Variants in PSTPIP2 observed in about 807,000 individuals in gnomAD.
PSTPIP2 encodes the protein proline-serine-threonine phosphatase interacting protein 2.
In PSTPIP2, 33 loss-of-function variants were observed where a neutral mutation model predicts 63.3. The ratio of observed to expected loss-of-function variants is 0.52; its 90% confidence interval spans 0.40 to 0.70. The LOEUF is 0.70. PSTPIP2 is among the 30% of genes least tolerant of loss of function. The probability of loss-of-function intolerance (pLI) is 0.00; values close to 1 mark genes in which losing one functional copy is unlikely to be tolerated. For missense variants in PSTPIP2, 312 were observed against 400.7 expected, an observed-to-expected ratio of 0.78 and a Z score of 1.89; for synonymous variants, 125 against 132.7, an observed-to-expected ratio of 0.94 and a Z score of 0.40.
intron 3 of PSTPIP2, among the ~76,000 whole-genome samples, chr18:46,017,265 C>T (rs2051862075): frequency 6.6e-6 from 1 of 152,124 alleles, no homozygotes; most frequent in African/African-American, 2.4e-5. Context: ...AAAAAATCAG[C>T]TGTTGCTCTA....
intron 8 of PSTPIP2, among the ~76,000 whole-genome samples, chr18:45,998,228 T>C (rs1200529681): frequency 3.3e-5 from 5 of 152,138 alleles, no homozygotes; most frequent in African/African-American, 1.2e-4. Context: ...CCAAGTTACT[T>C]TAGTTTCAAA....
At chr18:46,038,174 C>T (rs976888277) in intron 2 of PSTPIP2, among the ~76,000 whole-genome samples, 2 of 152,240 alleles carry the variant, frequency 1.3e-5, no homozygotes, top group African/African-American at 4.8e-5. Flanking sequence ...ATCCCCCGAC[C>T]TCAGCCTCCT....
chr18:45,990,406 G>A (rs1001943639), intron 13 of PSTPIP2, among the ~76,000 whole-genome samples: 5 of 151,410 alleles, frequency 3.3e-5, no homozygotes, highest in African/African-American at 9.8e-5. Flanking sequence ...TAAGAATTTC[G>A]TGGGTTTTTT....
At chr18:45,988,856 G>T in intron 13 of PSTPIP2, 97 bp from the exon 14 acceptor site, 1 of 1,002,458 alleles carries the variant, frequency 1.0e-6, no homozygotes, top group Non-Finnish European at 1.6e-6. Flanking sequence ...ACAGATTCTG[G>T]TGTCTATCCT....
chr18:46,044,465 G>C (rs944316227), intron 1 of PSTPIP2, among the ~76,000 whole-genome samples: 69 of 152,180 alleles, frequency 4.5e-4, no homozygotes, highest in Middle Eastern at 3.4e-3. Flanking sequence ...ATGTAGAAAG[G>C]TGAAACTGGA....
At chr18:46,014,701 C>A (rs997249111) in intron 4 of PSTPIP2, among the ~76,000 whole-genome samples, 4 of 152,000 alleles carry the variant, frequency 2.6e-5, no homozygotes, top group African/African-American at 9.7e-5. Flanking sequence ...CAGAGTGATG[C>A]CCTGACTTTA....
chr18:46,052,076 G>A (rs557179315), intron 1 of PSTPIP2, among the ~76,000 whole-genome samples: 4 of 152,340 alleles, frequency 2.6e-5, no homozygotes, highest in African/African-American at 9.6e-5. Context: ...AACTAGGTCC[G>A]CAAATATGGG....
chr18:46,016,767 C>T (rs1175437146), intron 3 of PSTPIP2, among the ~76,000 whole-genome samples: 3 of 152,190 alleles, frequency 2.0e-5, no homozygotes, highest in Non-Finnish European at 4.4e-5. Flanking sequence ...GCTGCATTCT[C>T]ATCTGGTGGC....
intron 1 of PSTPIP2, among the ~76,000 whole-genome samples, chr18:46,057,209 G>A (rs932481890): frequency 1.3e-5 from 2 of 152,194 alleles, no homozygotes; most frequent in African/African-American, 4.8e-5. Context: ...ACTCAGCAGA[G>A]ACCCCTCCCT....
At chr18:46,044,487 C>T (rs1270116319) in intron 1 of PSTPIP2, among the ~76,000 whole-genome samples, 1 of 152,190 alleles carries the variant, frequency 6.6e-6, no homozygotes, top group Non-Finnish European at 1.5e-5. Flanking sequence ...CCCTTCCTTA[C>T]ACCTTATACA....
chr18:46,022,627 G>C (rs1312053845), intron 3 of PSTPIP2, among the ~76,000 whole-genome samples: 1 of 152,158 alleles, frequency 6.6e-6, no homozygotes, highest in Non-Finnish European at 1.5e-5. Flanking sequence ...TTTCAGAATG[G>C]TGATAGCAGG....
At chr18:45,995,393 G>A (rs574768972) in intron 9 of PSTPIP2, among the ~76,000 whole-genome samples, 24 of 152,196 alleles carry the variant, frequency 1.6e-4, no homozygotes, top group African/African-American at 4.6e-4. Flanking sequence ...GTGAGCCACC[G>A]CACCTGGCCT....
chr18:45,990,747 G>C lies in PSTPIP2; in HGVS notation c.930C>G (p.Pro310=). 6.2e-7 allele frequency: 1 copy of C among 1,605,110 alleles called. No individual in the cohort carries two copies. Among genetic ancestry groups the C allele is most frequent in the Middle Eastern group, 1.7e-4 (1 of 6,042 alleles). The change falls in exon 13 of 15, where the codon CCC becomes CCG. Residue 310 remains proline (P), a synonymous_variant. Transcript: ENST00000409746. ...ATGPNLARRG[P]LPIPKSSPDD... ...CTGGTGAGCTTTTAGGAATTGGGAG[G>C]GGTCCTCTCCTGTAAGAAATGAAAA...
At chr18:46,007,921 G>A (rs1444704661) in intron 5 of PSTPIP2, among the ~76,000 whole-genome samples, 2 of 152,196 alleles carry the variant, frequency 1.3e-5, no homozygotes, top group Non-Finnish European at 2.9e-5. Context: ...AAGGTCACTC[G>A]TGAGTTAGTG....
At chr18:46,029,041 A>G in intron 2 of PSTPIP2, 1 of 801,008 alleles carries the variant, frequency 1.2e-6, no homozygotes, top group Non-Finnish European at 2.2e-6. Context: ...TCACTATTTC[A>G]GGTTGATGGA....
At chr18:46,018,853 A>G (rs2051880996) in intron 3 of PSTPIP2, among the ~76,000 whole-genome samples, 1 of 152,156 alleles carries the variant, frequency 6.6e-6, no homozygotes, top group African/African-American at 2.4e-5. Flanking sequence ...CAGCATAGCC[A>G]CGTATTTATT....
At chr18:46,028,096 G>T (rs1206066645) in intron 2 of PSTPIP2, among the ~76,000 whole-genome samples, 2 of 152,242 alleles carry the variant, frequency 1.3e-5, no homozygotes, top group East Asian at 3.8e-4. Context: ...GGGAGGCGGA[G>T]GTTGCAGTGA....
intron 9 of PSTPIP2, 124 bp from the exon 10 acceptor site, chr18:45,993,827 T>A: frequency 1.3e-6 from 1 of 788,808 alleles, no homozygotes; most frequent in Non-Finnish European, 2.1e-6. Flanking sequence ...CAATTTAGAA[T>A]GCTTCTCCCC....
At chr18:46,029,832 C>T (rs1907723802) in intron 2 of PSTPIP2, 2 of 426,028 alleles carry the variant, frequency 4.7e-6, no homozygotes, top group Admixed American at 3.2e-5. Flanking sequence ...AGGGCAAGGC[C>T]GGCTGGGCGC....
Sources: gnomAD v4.1 joint callset for allele counts (sites outside exome capture counted in the v4.1 genomes callset) on GRCh38, gnomAD v4.1.1 for gene constraint, MANE v1.5 for transcripts, NCBI Gene and HGNC (gene_info 2026-07-23, HGNC 2026-07-21) for gene names.